ATXN2L: variants seen among roughly 807,000 people sequenced by gnomAD.
ATXN2L encodes the protein ataxin-2-like protein.
ATXN2L carries 24 observed loss-of-function variants against 120.7 expected under a neutral mutation model. The ratio of observed to expected loss-of-function variants is 0.20; its 90% CI spans 0.14 to 0.28. The LOEUF (loss-of-function observed/expected upper bound fraction) is 0.28, where lower values mean the gene tolerates loss of function less well. Ranked by LOEUF, ATXN2L falls within the 10% of genes least tolerant of loss-of-function variation. The probability of loss-of-function intolerance (pLI) is 1.00; values close to 1 mark genes in which losing one functional copy is unlikely to be tolerated. For synonymous variants in ATXN2L, 653 were observed against 568.1 expected, an observed-to-expected ratio of 1.15 and a Z score of -2.13; for missense variants, 1,312 against 1,432.3, an observed-to-expected ratio of 0.92 and a Z score of 1.36.
At chr16:28,831,349 A>T (rs538559578) in intron 10 of ATXN2L, among the ~76,000 whole-genome samples, 10 of 152,078 alleles carry the variant, frequency 6.6e-5, no homozygotes, top group Admixed American at 5.2e-4. Flanking sequence ...TTTTTTTGAA[A>T]CGGAGTCTTG....
intron 6 of ATXN2L, among the ~76,000 whole-genome samples, chr16:28,828,619 A>G (rs1024549655): frequency 6.6e-6 from 1 of 151,694 alleles, no homozygotes; most frequent in Non-Finnish European, 1.5e-5. Context: ...GCAGTTATTA[A>G]TTACAATTAT....
At chr16:28,826,802 T>A in intron 5 of ATXN2L, 60 bp from the exon 6 acceptor site, 1 of 1,481,090 alleles carries the variant, frequency 6.8e-7, no homozygotes, top group Non-Finnish European at 9.0e-7. Flanking sequence ...GGTTGGGGGA[T>A]ATTGGAAAGA....
rs368603615 is a variant in ATXN2L at position 28,826,855 on chromosome 16, C to T, written c.617-7C>T. ...CTGACTCCTGATCTTCACCTCTGCC[C>T]CCACAGACAAGTTCACCGATTCAGC... On this transcript the variant is annotated splice_polypyrimidine_tract_variant and splice_region_variant and intron_variant, in intron 5 of 21. Transcript: ENST00000336783. 8 of 1,565,958 alleles carry T rather than the reference C, an allele frequency of 5.1e-6. No homozygotes were observed. The highest frequency in any genetic ancestry group is 1.8e-5 in the Admixed American group (1 of 54,940).
At chr16:28,832,065 C>A in intron 10 of ATXN2L, 140 bp from the exon 11 acceptor site, 1 of 858,388 alleles carries the variant, frequency 1.2e-6, no homozygotes, top group South Asian at 1.8e-5. Flanking sequence ...GCTTGTGTTA[C>A]CTGCCTTGAG....
At position 28,836,865 on chromosome 16, in the gene ATXN2L, GC is replaced by G; in HGVS notation, c.*606del. On this transcript the variant is annotated 3_prime_UTR_variant, in exon 22 of 22. Coordinates refer to ENST00000336783, the MANE Select transcript of ATXN2L (RefSeq NM_007245.4). ...CCCCCAGCAGCTCGGACCACTCCCAGCCCCCCATCCCCCCGTTCCCCAGGGG... is the reference window on the plus strand; with the variant it reads ...CCCCCAGCAGCTCGGACCACTCCCAGCCCCCATCCCCCCGTTCCCCAGGGG... 1 of 1,406,082 alleles carries G rather than the reference GC, an allele frequency of 7.1e-7. No individual in the cohort carries two copies. The highest frequency in any genetic ancestry group is 9.9e-7 in the Non-Finnish European group (1 of 1,006,270). 87.1% of individuals were successfully genotyped at this position (1,406,082 alleles called of 1,614,324 possible).
chr16:28,831,136 C>T (rs567644246), intron 10 of ATXN2L, 64 bp downstream of exon 10: 2 of 1,124,674 alleles, frequency 1.8e-6, no homozygotes, highest in Admixed American at 4.6e-5. Context: ...GTAAATATGT[C>T]CATTTGTTAC....
chr16:28,836,320 G>A lies in ATXN2L; in HGVS notation c.*55G>A, dbSNP rs1960751537. On this transcript the variant is annotated 3_prime_UTR_variant, in exon 22 of 22. Transcript: ENST00000336783. ...GGCGCCCGCCGACCTGCACCTGTCT[G>A]TGAAGTATGTAGGGTGGGCAGAAGC... 1 of 1,612,420 alleles carries A rather than the reference G, an allele frequency of 6.2e-7. No homozygotes were observed. The highest frequency in any genetic ancestry group is 8.5e-7 in the Non-Finnish European group (1 of 1,179,286).
At position 28,833,224 on chromosome 16, in the gene ATXN2L, A is replaced by G. The variant is rs1409027452; in HGVS notation, c.1825A>G (p.Lys609Glu). ...KTESVSDKEDKPPLAPSGGTE... is the reference protein window; with the variant it reads ...KTESVSDKEDEPPLAPSGGTE... ...AGAGTCCGTATCGGATAAGGAGGAC[A>G]AACCACCCCTGGCACCATCAGGAGG... The change falls in exon 14 of 22, where the codon AAA (lysine) becomes GAA (glutamate). Residue 609 changes from lysine (K) to glutamate (E), a missense_variant. Coordinates refer to ENST00000336783, the MANE Select transcript of ATXN2L (RefSeq NM_007245.4). The G allele has an allele frequency of 3.7e-6, 6 of 1,614,090 alleles. No individual in the cohort carries two copies. Among genetic ancestry groups the G allele is most frequent in the Non-Finnish European group, 5.1e-6 (6 of 1,180,058 alleles).
At chr16:28,834,910 T>C (rs1023722756) in intron 18 of ATXN2L, 148 bp from the exon 19 acceptor site, 31 of 1,213,150 alleles carry the variant, frequency 2.6e-5, no homozygotes, top group Non-Finnish European at 3.5e-5. Flanking sequence ...GTAGAGAAAA[T>C]AGTGTCTGCT....
intron 10 of ATXN2L, 82 bp from the exon 11 acceptor site, chr16:28,832,123 T>C (rs1309896274): frequency 2.0e-6 from 3 of 1,464,582 alleles, no homozygotes; most frequent in Non-Finnish European, 1.9e-6. Context: ...TGTGTAAACT[T>C]TCTTGCTGTT....
intron 1 of ATXN2L, chr16:28,824,049 T>G: frequency 5.2e-6 from 5 of 961,110 alleles, no homozygotes; most frequent in African/African-American, 1.8e-5. Context: ...CCCTTCCCGG[T>G]CTGGCCAGTA....
intron 1 of ATXN2L, chr16:28,824,453 C>T (rs1345024855): frequency 1.6e-6 from 2 of 1,287,088 alleles, no homozygotes; most frequent in Non-Finnish European, 2.0e-6. Flanking sequence ...TGTCCCCCAG[C>T]CCCGCCAGCG....
intron 7 of ATXN2L, 137 bp downstream of exon 7, chr16:28,829,629 C>T: frequency 2.6e-6 from 2 of 776,206 alleles, no homozygotes; most frequent in Non-Finnish European, 4.2e-6. Flanking sequence ...CCTACTCTGC[C>T]TTGTGGAATT....
intron 1 of ATXN2L, chr16:28,823,762 G>A: frequency 2.1e-6 from 1 of 476,142 alleles, no homozygotes; most frequent in Non-Finnish European, 3.3e-6. Context: ...GAGGGGCCGC[G>A]CTCGGCTCTC....
intron 6 of ATXN2L, among the ~76,000 whole-genome samples, 154 bp from the exon 7 acceptor site, chr16:28,829,247 C>T (rs1232681655): frequency 2.0e-5 from 3 of 152,156 alleles, no homozygotes; most frequent in African/African-American, 7.2e-5. Flanking sequence ...AGGAGAGCCT[C>T]CTGCCTCAGC....
At chr16:28,824,656 T>C (rs188407419) in intron 1 of ATXN2L, 2 of 1,100,544 alleles carry the variant, frequency 1.8e-6, no homozygotes, top group East Asian at 6.2e-5. Flanking sequence ...CTTTTCTGTT[T>C]GGGAGGTAAT....
In ATXN2L at chr16:28,823,501, C is replaced by CGCA. The variant is rs2050328228; in HGVS notation, c.244_245insAGC (p.Pro81_Pro82insGln). 7.3e-7 allele frequency: 1 copy of CGCA among 1,361,568 alleles called. No homozygotes were observed. Among genetic ancestry groups the CGCA allele is most frequent in the Non-Finnish European group, 9.4e-7 (1 of 1,058,562 alleles). 84.3% of individuals were successfully genotyped at this position (1,361,568 alleles called of 1,614,324 possible). On this transcript the variant is annotated inframe_insertion, in exon 1 of 22. Coordinates refer to ENST00000336783, the MANE Select transcript of ATXN2L (RefSeq NM_007245.4). The stretch of plus-strand genomic sequence containing the variant: ...GCCGAAGGCATCTTGGCGCCGCAGC[C>CGCA]GCCGCCGCCGCAGCAACACCAGGAG...
chr16:28,824,086 C>A, intron 1 of ATXN2L: 1 of 1,004,158 alleles, frequency 1.0e-6, no homozygotes, highest in Non-Finnish European at 1.2e-6. Context: ...GGCGGGGGGA[C>A]GGAAGGAGGG....
chr16:28,825,665 C>T lies in ATXN2L; in HGVS notation c.378C>T (p.Phe126=), dbSNP rs753581053. 4.3e-6 allele frequency: 7 copies of T among 1,614,058 alleles called. 2 individuals are homozygous for T. In the South Asian group the frequency reaches 7.7e-5, roughly 18 times the overall value. The change falls in exon 3 of 22, where the codon TTC becomes TTT. Residue 126 remains phenylalanine, a synonymous_variant. Transcript: ENST00000336783. ...ACAACAATTCCAGAATGCTGCATTT[C>T]CTTACAGCTGTTGTGGTAAGTTGGT... ...GVYNNSRMLH[F]LTAVVGSTCD... is the part of the protein sequence containing the mutation.
Sources: gnomAD v4.1 joint callset for allele counts (sites outside exome capture counted in the v4.1 genomes callset) on GRCh38, gnomAD v4.1.1 for gene constraint, MANE v1.5 for transcripts, NCBI Gene and HGNC (gene_info 2026-07-23, HGNC 2026-07-21) for gene names.